Variants in TOP6BL observed in about 807,000 individuals in gnomAD.
TOP6BL encodes TOP6B like initiator of meiotic double strand breaks.
chr11:66,748,567 G>A, the TOP6BL span: 3 of 1,366,332 alleles, frequency 2.2e-6, no homozygotes, highest in Admixed American at 8.8e-5. Context: ...CATGGTTTAT[G>A]TCGTAGCTTA....
At chr11:66,794,053 A>G in the TOP6BL span, among the ~76,000 whole-genome samples, 2 of 150,716 alleles carry the variant, frequency 1.3e-5, no homozygotes, top group Non-Finnish European at 3.0e-5. Context: ...TCGAGGTTAC[A>G]GTTAGCTATG....
the TOP6BL span, among the ~76,000 whole-genome samples, chr11:66,832,545 C>T: frequency 2.0e-5 from 3 of 152,216 alleles, no homozygotes; most frequent in Non-Finnish European, 1.5e-5. Flanking sequence ...ACTTTACCAT[C>T]CTCCTCTTCA....
At chr11:66,821,855 C>G in the TOP6BL span, 1 of 1,405,814 alleles carries the variant, frequency 7.1e-7, no homozygotes, top group African/African-American at 1.4e-5. Context: ...GCCCTTCCTC[C>G]CTTAATGCCC....
At chr11:66,761,597 T>C in the TOP6BL span, 4 of 1,178,772 alleles carry the variant, frequency 3.4e-6, no homozygotes, top group Non-Finnish European at 4.7e-6. Context: ...GACAAAACTT[T>C]TGAGGTCTTC....
the TOP6BL span, among the ~76,000 whole-genome samples, chr11:66,832,336 G>T: frequency 7.9e-5 from 12 of 152,110 alleles, no homozygotes; most frequent in African/African-American, 2.2e-4. Flanking sequence ...TCCTGACCTC[G>T]TGATCCTCCG....
At chr11:66,758,387 C>G in the TOP6BL span, 1 of 137,092 alleles carries the variant, frequency 7.3e-6, no homozygotes, top group African/African-American at 2.8e-5. Context: ...TCTCAGCTCA[C>G]TGCAAGCTCC....
At chr11:66,838,099 C>A in the TOP6BL span, among the ~76,000 whole-genome samples, 1 of 152,216 alleles carries the variant, frequency 6.6e-6, no homozygotes, top group South Asian at 2.1e-4. Context: ...GTATGCAGAG[C>A]CCGAGGAATG....
chr11:66,782,088 A>G, the TOP6BL span, among the ~76,000 whole-genome samples: 1 of 152,166 alleles, frequency 6.6e-6, no homozygotes, highest in Non-Finnish European at 1.5e-5. Flanking sequence ...TTCTAATTTG[A>G]TACCATTTAG....
the TOP6BL span, among the ~76,000 whole-genome samples, chr11:66,777,301 G>C: frequency 6.6e-6 from 1 of 151,620 alleles, no homozygotes; most frequent in Non-Finnish European, 1.5e-5. Context: ...ATGAATAGCA[G>C]GATAGTTTAG....
the TOP6BL span, among the ~76,000 whole-genome samples, chr11:66,764,131 A>T: frequency 1.3e-5 from 2 of 152,200 alleles, no homozygotes; most frequent in African/African-American, 4.8e-5. Context: ...TATGCCTAGA[A>T]AAAAGGGAAT....
the TOP6BL span, among the ~76,000 whole-genome samples, chr11:66,792,031 C>T: frequency 6.6e-6 from 1 of 152,076 alleles, no homozygotes; most frequent in Non-Finnish European, 1.5e-5. Flanking sequence ...CAGATGGTCT[C>T]GATCTTCTGA....
chr11:66,826,150 AT>A, the TOP6BL span, among the ~76,000 whole-genome samples: 24 of 152,070 alleles, frequency 1.6e-4, no homozygotes, highest in South Asian at 5.0e-3. Flanking sequence ...GGCCTGCTTC[AT>A]TTTTTTGGTA....
the TOP6BL span, among the ~76,000 whole-genome samples, chr11:66,779,912 A>T: frequency 6.7e-6 from 1 of 148,390 alleles, no homozygotes; most frequent in South Asian, 2.1e-4. Context: ...TTACAAGGAC[A>T]AAAAACCAAA....
the TOP6BL span, chr11:66,828,212 C>T: frequency 7.9e-7 from 1 of 1,272,506 alleles, no homozygotes; most frequent in Non-Finnish European, 1.1e-6. Flanking sequence ...GAGAACTTTC[C>T]CCCTTGGTTT....
the TOP6BL span, among the ~76,000 whole-genome samples, chr11:66,751,848 T>C: frequency 1.3e-5 from 2 of 152,208 alleles, no homozygotes; most frequent in Admixed American, 1.3e-4. Context: ...TTCTTTATAA[T>C]TTCCCTTCAG....
chr11:66,824,450 A>C, the TOP6BL span, among the ~76,000 whole-genome samples: 1 of 146,952 alleles, frequency 6.8e-6, no homozygotes, highest in African/African-American at 2.5e-5. Context: ...TATTATTATT[A>C]TTATTATTAT....
chr11:66,775,518 CAT>C, the TOP6BL span, among the ~76,000 whole-genome samples: 7 of 152,282 alleles, frequency 4.6e-5, no homozygotes, highest in South Asian at 2.1e-4. Flanking sequence ...GTGGAAGTGA[CAT>C]GTGTCGCCTT....
chr11:66,796,009 G>C, the TOP6BL span: 1 of 305,520 alleles, frequency 3.3e-6, no homozygotes, highest in East Asian at 5.4e-5. Context: ...TTTTAAATTT[G>C]TCCCCAAAGG....
chr11:66,757,807 C>T, the TOP6BL span, among the ~76,000 whole-genome samples: 11 of 152,196 alleles, frequency 7.2e-5, no homozygotes, highest in Admixed American at 5.2e-4. Flanking sequence ...AGGCTGGTCT[C>T]GAACTCCTGA....
Sources: gnomAD v4.1 joint callset for allele counts (sites outside exome capture counted in the v4.1 genomes callset) on GRCh38, gnomAD v4.1.1 for gene constraint, MANE v1.5 for transcripts, NCBI Gene and HGNC (gene_info 2026-07-23, HGNC 2026-07-21) for gene names.